The following EIF2AK1 variants were observed in gnomAD, a reference collection of about 807,000 sequenced individuals.
The protein encoded by EIF2AK1 is eukaryotic translation initiation factor 2-alpha kinase 1.
In EIF2AK1, 54 loss-of-function variants were observed where a neutral mutation model predicts 77.9. The observed-to-expected ratio is 0.69, with a 90% CI of 0.56 to 0.87. The LOEUF is 0.87. Ranked by LOEUF, EIF2AK1 falls within the 40% of genes least tolerant of loss-of-function variation. The pLI is 0.00. For missense variants in EIF2AK1, 810 were observed against 768.6 expected (o/e 1.05, Z -0.64); for synonymous variants, 314 against 290.5 (o/e 1.08, Z -0.82).
chr7:6,045,441 A>G (rs557307207), intron 6 of EIF2AK1, among the ~76,000 whole-genome samples: 1 of 152,232 alleles, frequency 6.6e-6, no homozygotes, highest in East Asian at 1.9e-4. Flanking sequence ...ACAAATGGCA[A>G]TTGTTATAGC....
At chr7:6,045,942 A>AC (rs1217172413) in intron 6 of EIF2AK1, 129 bp downstream of exon 6, 9 of 542,356 alleles carry the variant, frequency 1.7e-5, no homozygotes, top group Middle Eastern at 9.6e-4. Context: ...CTTTACTATA[A>AC]CCCCATTCCT....
intron 11 of EIF2AK1, among the ~76,000 whole-genome samples, chr7:6,031,019 T>G (rs1787894412): frequency 6.6e-6 from 1 of 152,212 alleles, no homozygotes; most frequent in African/African-American, 2.4e-5. Context: ...GTTTTCTTAC[T>G]TTAAAAGTAA....
intron 2 of EIF2AK1, among the ~76,000 whole-genome samples, chr7:6,052,910 C>T (rs111425645): frequency 9.9e-5 from 15 of 151,580 alleles, no homozygotes; most frequent in African/African-American, 3.6e-4. Context: ...TTGCAGTGAG[C>T]GGAAATCGCG....
At chr7:6,029,701 G>A (rs1426754717) in intron 11 of EIF2AK1, among the ~76,000 whole-genome samples, 3 of 152,092 alleles carry the variant, frequency 2.0e-5, no homozygotes, top group Admixed American at 6.6e-5. Context: ...GACTGTCCTC[G>A]GCCGGGCACG....
Position 6,041,092 on chromosome 7 carries a change from A to G in EIF2AK1, c.919T>C (p.Tyr307His). 6.2e-7 allele frequency: 1 copy of G among 1,614,080 alleles called. No individual in the cohort carries two copies. The highest frequency in any genetic ancestry group is 8.5e-7 in the Non-Finnish European group (1 of 1,180,014). ...TCTCTTATGACTAAATTGGTGGTGT[A>G]CTTCACCGACTTGTTATTCTGATTT... The part of the protein sequence containing the change: ...TENQNNKSVK[Y>H]TTNLVIRESG... Residue 307 changes from tyrosine to histidine, a missense_variant, in exon 9 of 15, where the codon TAC (tyrosine) becomes CAC (histidine). Around this residue, in one of 3 missense-constraint regions of EIF2AK1, gnomAD observed 549 missense variants for 533.7 expected, o/e 1.03. Transcript: ENST00000199389.
At chr7:6,030,273 G>A (rs1284732860) in intron 11 of EIF2AK1, among the ~76,000 whole-genome samples, 5 of 152,162 alleles carry the variant, frequency 3.3e-5, no homozygotes, top group East Asian at 1.9e-4. Flanking sequence ...CAACTTAGGC[G>A]ACGTCCGGGA....
At chr7:6,046,005 G>T in intron 6 of EIF2AK1, 66 bp downstream of exon 6, 2 of 1,091,356 alleles carry the variant, frequency 1.8e-6, no homozygotes, top group Non-Finnish European at 2.6e-6. Flanking sequence ...ACATATACAT[G>T]TATAACTCTT....
In EIF2AK1 at chr7:6,032,387, G is replaced by T. The variant is rs1478067656; in HGVS notation, c.1333-3355C>A. ...GGCACAAACAGCTCTGCTAATCATA[G>T]ACAGAACATATGCTGCGTTATATTT... On this transcript the variant is annotated intron_variant, in intron 11 of 14. Coordinates refer to ENST00000199389, the MANE Select transcript of EIF2AK1 (RefSeq NM_014413.4). The surrounding 1 kb of genome is among the most constrained non-coding windows in gnomAD (Gnocchi z 4.3). Among the ~76,000 whole-genome samples, 1 of 152,120 alleles carries T rather than the reference G, an allele frequency of 6.6e-6. No individual in the cohort carries two copies. Among genetic ancestry groups the T allele is most frequent in the East Asian group, 1.9e-4 (1 of 5,190 alleles).
chr7:6,024,628 A>T lies in EIF2AK1; in HGVS notation c.*45T>A, dbSNP rs1237077299. 1.2e-6 allele frequency: 2 copies of T among 1,612,450 alleles called. No individual in the cohort carries two copies. Among genetic ancestry groups the T allele is most frequent in the Non-Finnish European group, 1.7e-6 (2 of 1,179,438 alleles). ...TACCAACTATACCCTAATAAAGATT[A>T]AAAATTTACATTCCAGTTAACTACC... On this transcript the variant is annotated 3_prime_UTR_variant, in exon 15 of 15. Coordinates refer to ENST00000199389, the MANE Select transcript of EIF2AK1 (RefSeq NM_014413.4).
intron 11 of EIF2AK1, among the ~76,000 whole-genome samples, chr7:6,029,382 A>G (rs1298552491): frequency 6.6e-6 from 1 of 151,944 alleles, no homozygotes; most frequent in African/African-American, 2.4e-5. Context: ...AATCCCTGCT[A>G]CTAGGGAGAC....
intron 14 of EIF2AK1, among the ~76,000 whole-genome samples, chr7:6,025,882 C>G (rs1486468045): frequency 6.6e-6 from 1 of 152,080 alleles, no homozygotes; most frequent in Non-Finnish European, 1.5e-5. Flanking sequence ...ATCCTCCCAC[C>G]TCTGCCTCCC....
intron 3 of EIF2AK1, 28 bp downstream of exon 3, chr7:6,049,884 T>C (rs915110235): frequency 6.3e-7 from 1 of 1,582,540 alleles, no homozygotes; most frequent in Non-Finnish European, 8.6e-7. Context: ...ATTTTTGTCA[T>C]ACCCAAAGTA....
chr7:6,030,523 A>G (rs113215673), intron 11 of EIF2AK1, among the ~76,000 whole-genome samples: 15 of 152,260 alleles, frequency 9.9e-5, no homozygotes, highest in African/African-American at 3.6e-4. Flanking sequence ...TCTTTAAGAC[A>G]GAGTCTTGCT....
At chr7:6,030,590 T>C (rs911889203) in intron 11 of EIF2AK1, among the ~76,000 whole-genome samples, 2 of 152,114 alleles carry the variant, frequency 1.3e-5, no homozygotes, top group Non-Finnish European at 2.9e-5. Context: ...CCTCCACCTC[T>C]CAGGTTCAAA....
chr7:6,034,956 A>G (rs1788033796), intron 11 of EIF2AK1, among the ~76,000 whole-genome samples: 1 of 152,170 alleles, frequency 6.6e-6, no homozygotes, highest in African/African-American at 2.4e-5. Context: ...AAAGGAGTCA[A>G]CGGGAGTTCG....
chr7:6,047,125 C>T, intron 4 of EIF2AK1, 34 bp from the exon 5 acceptor site: 1 of 1,580,322 alleles, frequency 6.3e-7, no homozygotes, highest in South Asian at 1.1e-5. Context: ...AATATTAAAA[C>T]ATGAGAGAAT....
chr7:6,028,798 G>C (rs1169976866), intron 12 of EIF2AK1, 101 bp from the exon 13 acceptor site: 1 of 1,411,276 alleles, frequency 7.1e-7, no homozygotes, highest in Non-Finnish European at 9.9e-7. Context: ...GAGAACAACA[G>C]TTGCTTTGTA....
intron 9 of EIF2AK1, among the ~76,000 whole-genome samples, chr7:6,039,250 T>C (rs1405953372): frequency 6.6e-6 from 1 of 151,922 alleles, no homozygotes; most frequent in Non-Finnish European, 1.5e-5. Context: ...AGAAATGAAA[T>C]GATTCTGATT....
At position 6,043,310 on chromosome 7, in the gene EIF2AK1, C is replaced by T. The variant is rs576937597; in HGVS notation, c.731-317G>A. 1.7e-4 allele frequency among the ~76,000 whole-genome samples: 26 copies of T among 152,226 alleles called. 1 individual carries two copies. In the East Asian group the frequency reaches 3.7e-3, roughly 22 times the overall value. ...ATAAAAGCAGCCATAGGCCCAGTGG[C>T]TCATGCCTGTAATCCCAACTCTTTG... On this transcript the variant is annotated intron_variant, in intron 7 of 14. Coordinates refer to ENST00000199389, the MANE Select transcript of EIF2AK1 (RefSeq NM_014413.4).
Sources: allele counts gnomAD v4.1 joint callset (sites outside exome capture counted in the v4.1 genomes callset), GRCh38; gene constraint gnomAD v4.1.1; regional missense constraint gnomAD v4.1.1; non-coding constraint Gnocchi (gnomAD v3.1); transcripts MANE v1.5; gene names NCBI Gene and HGNC (gene_info 2026-07-23, HGNC 2026-07-21).